Variants in EIF2AK3 observed in about 807,000 individuals in gnomAD.
The protein encoded by EIF2AK3 is eukaryotic translation initiation factor 2-alpha kinase 3.
EIF2AK3 carries 50 observed loss-of-function variants against 113.5 expected under a neutral mutation model. The ratio of observed to expected loss-of-function variants is 0.44; its 90% CI spans 0.35 to 0.56. The LOEUF is 0.56. EIF2AK3 is among the 20% of genes least tolerant of loss of function. The probability of loss-of-function intolerance (pLI) is 0.00; values close to 1 mark genes in which losing one functional copy is unlikely to be tolerated. For missense variants in EIF2AK3, 1,185 were observed against 1,378.0 expected (o/e 0.86, Z 2.22); for synonymous variants, 448 against 495.4 (o/e 0.90, Z 1.27).
intron 2 of EIF2AK3, among the ~76,000 whole-genome samples, chr2:88,609,342 A>G (rs1422778864): frequency 6.6e-6 from 1 of 152,210 alleles, no homozygotes; most frequent in African/African-American, 2.4e-5. Flanking sequence ...AAAGGTTGCT[A>G]TTTGCCCTGA....
rs145982572 is a variant in EIF2AK3 at position 88,619,596 on chromosome 2, C to T, written c.309-5743G>A. On this transcript the variant is annotated intron_variant, in intron 1 of 16. Transcript: ENST00000303236. The stretch of plus-strand genomic sequence containing the variant: ...TTAAATCAGACATCAACTCTTTGTG[C>T]TCCCTCATCCTCTACATTTAAACAA... Among the ~76,000 whole-genome samples the T allele has an allele frequency of 1.9e-4, 29 of 152,292 alleles. No individual in the cohort carries two copies. The East Asian group carries it at 1.9e-3, about 10-fold the overall frequency.
chr2:88,566,520 CTTT>C, intron 14 of EIF2AK3, among the ~76,000 whole-genome samples: 1 of 146,934 alleles, frequency 6.8e-6, no homozygotes, highest in South Asian at 2.2e-4. Context: ...TTTAAAAACT[CTTT>C]TTTTTTTTAA....
At chr2:88,604,423 C>T (rs1347487201) in intron 2 of EIF2AK3, among the ~76,000 whole-genome samples, 4 of 152,184 alleles carry the variant, frequency 2.6e-5, no homozygotes, top group Non-Finnish European at 5.9e-5. Flanking sequence ...TCTCTTGCCT[C>T]AGTAACTCCT....
chr2:88,613,956 C>T (rs1432746830), intron 1 of EIF2AK3, 103 bp from the exon 2 acceptor site: 17 of 1,086,420 alleles, frequency 1.6e-5, no homozygotes, highest in Middle Eastern at 2.9e-4. Flanking sequence ...GGCCTCTATT[C>T]GTAGAAAGGA....
chr2:88,563,541 A>C (rs1390769250), intron 14 of EIF2AK3, among the ~76,000 whole-genome samples: 7 of 152,238 alleles, frequency 4.6e-5, no homozygotes, highest in African/African-American at 1.4e-4. Flanking sequence ...CAAATTTATA[A>C]GAAGCAACTT....
rs147874614 is a variant in EIF2AK3, at chr2:88,586,059, T to G, written c.1432A>C (p.Asn478His). The G allele has an allele frequency of 6.2e-6, 10 of 1,612,788 alleles. No individual in the cohort carries two copies. In the African/African-American group the frequency reaches 9.4e-5, roughly 15 times the overall value. ...TTGTAGTATGGTAGATAATAACCAT[T>G]ATCTTCAAATAGAAACATTAAAACG... The part of the protein sequence containing the change: ...ALSILQYPYD[N>H]GYYLPYYKRE... Residue 478 changes from asparagine to histidine, a missense_variant and splice_region_variant, in exon 9 of 17, where the codon AAT becomes CAT. Around this residue, in one of 3 missense-constraint regions of EIF2AK3, gnomAD observed 877 missense variants for 1,024.2 expected, o/e 0.86. Transcript: ENST00000303236.
At chr2:88,562,246 T>C (rs1156429771) in intron 15 of EIF2AK3, 43 bp downstream of exon 15, 2 of 1,506,612 alleles carry the variant, frequency 1.3e-6, no homozygotes, top group South Asian at 2.3e-5. Context: ...TGTTAGATTA[T>C]TTTCTGTTTG....
intron 1 of EIF2AK3, among the ~76,000 whole-genome samples, chr2:88,626,671 T>C (rs1415176378): frequency 6.6e-6 from 1 of 152,164 alleles, no homozygotes; most frequent in Non-Finnish European, 1.5e-5. Flanking sequence ...CCGAAAACAA[T>C]GAAAGAGGGG....
At chr2:88,591,073 T>C in intron 4 of EIF2AK3, 21 bp from the exon 5 acceptor site, 1 of 1,600,154 alleles carries the variant, frequency 6.2e-7, no homozygotes, top group South Asian at 1.1e-5. Flanking sequence ...CAAAGGTGTG[T>C]TTTAGAAATT....
intron 13 of EIF2AK3, among the ~76,000 whole-genome samples, chr2:88,572,343 T>G (rs1341418184): frequency 6.6e-6 from 1 of 152,228 alleles, no homozygotes; most frequent in Non-Finnish European, 1.5e-5. Flanking sequence ...GTATCTTGAC[T>G]TTACTTTGGG....
In EIF2AK3 at chr2:88,590,532, G is replaced by A; in HGVS notation, c.1076C>T (p.Thr359Ile). ...AACATCATCATTAGATGTATAACTTGTATCATCAAAAAGACTGATGGGAAT... is the reference window on the plus strand; with the variant it reads ...AACATCATCATTAGATGTATAACTTATATCATCAAAAAGACTGATGGGAAT... Reference protein sequence around the residue: ...KVIPISLFDDTSYTSNDDVLE... With the variant: ...KVIPISLFDDISYTSNDDVLE... The change falls in exon 6 of 17, where the codon ACA becomes ATA. Residue 359 changes from threonine (T) to isoleucine (I), a missense_variant. Transcript: ENST00000303236. The A allele has an allele frequency of 6.2e-7, 1 of 1,613,636 alleles. No homozygotes were observed. Among genetic ancestry groups the A allele is most frequent in the African/African-American group, 1.3e-5 (1 of 74,984 alleles).
chr2:88,582,526 C>A (rs1245770838), intron 10 of EIF2AK3, among the ~76,000 whole-genome samples: 1 of 152,164 alleles, frequency 6.6e-6, no homozygotes, highest in Non-Finnish European at 1.5e-5. Flanking sequence ...TAACTACCAG[C>A]TGTGACCACA....
intron 11 of EIF2AK3, among the ~76,000 whole-genome samples, chr2:88,577,596 C>T (rs925302719): frequency 5.9e-5 from 9 of 151,862 alleles, no homozygotes; most frequent in Admixed American, 5.3e-4. Context: ...TCAGGCTGGT[C>T]TCGAACTCCT....
rs2104446057 is a variant in EIF2AK3, at chr2:88,595,630, C to G, written c.472G>C (p.Asp158His). Reference protein sequence around the residue: ...FGNKMIIPSLDGALFQWDQDR... With the variant: ...FGNKMIIPSLHGALFQWDQDR... ...TGGTCCCACTGGAAGAGGGCTCCATCCAGGGAAGGAATGATCATCTTATTC... is the reference window on the plus strand; with the variant it reads ...TGGTCCCACTGGAAGAGGGCTCCATGCAGGGAAGGAATGATCATCTTATTC... Residue 158 changes from aspartate to histidine, a missense_variant, in exon 3 of 17, where the codon GAT becomes CAT. Physicochemically the swap from Asp to His is moderately conservative, Grantham distance 81 (BLOSUM62 -1). Coordinates refer to ENST00000303236, the MANE Select transcript of EIF2AK3 (RefSeq NM_004836.7). 3.1e-6 allele frequency: 5 copies of G among 1,613,994 alleles called. No homozygotes were observed. Among genetic ancestry groups the G allele is most frequent in the Non-Finnish European group, 4.2e-6 (5 of 1,179,946 alleles).
At position 88,627,416 on chromosome 2, in the gene EIF2AK3, T is replaced by G. The variant is rs954039037; in HGVS notation, c.-142A>C. 78 of 1,066,456 alleles carry G rather than the reference T, an allele frequency of 7.3e-5. No homozygotes were observed. The highest frequency in any genetic ancestry group is 9.4e-5 in the Non-Finnish European group (77 of 818,240). The allele number at this position is 1,066,456 out of a possible 1,614,324, so 66.1% of individuals were successfully genotyped here. A position where few individuals can be genotyped will look rare whatever the true frequency, so the allele number is the denominator to read the frequency against. On this transcript the variant is annotated 5_prime_UTR_variant, in exon 1 of 17. Transcript: ENST00000303236. ...GCCTGGACAGCCAGCCGTGTTCCCC[T>G]GGCCACGTCTCAGCCCGGCCTCTGC...
At chr2:88,585,001 G>A (rs1263418718) in intron 9 of EIF2AK3, among the ~76,000 whole-genome samples, 3 of 152,148 alleles carry the variant, frequency 2.0e-5, no homozygotes, top group Admixed American at 1.3e-4. Context: ...AGGAGGGTCA[G>A]GTATTAGAGG....
At chr2:88,612,304 C>T (rs1006818535) in intron 2 of EIF2AK3, among the ~76,000 whole-genome samples, 1 of 152,142 alleles carries the variant, frequency 6.6e-6, no homozygotes, top group Non-Finnish European at 1.5e-5. Context: ...AAGCAGCTTA[C>T]AATCTTCTCA....
At chr2:88,571,072 T>G (rs1173981133) in intron 13 of EIF2AK3, 31 bp from the exon 14 acceptor site, 1 of 1,612,338 alleles carries the variant, frequency 6.2e-7, no homozygotes, top group Non-Finnish European at 8.5e-7. Flanking sequence ...AAAAGTACAG[T>G]GGGTGTGCAT....
chr2:88,557,659 G>A lies in EIF2AK3; in HGVS notation c.*77C>T, dbSNP rs1673816463. 4 of 1,497,398 alleles carry A rather than the reference G, an allele frequency of 2.7e-6. No homozygotes were observed. The Admixed American group carries it at 5.0e-5, about 19-fold the overall frequency. The allele number at this position is 1,497,398 out of a possible 1,614,324, so 92.8% of individuals were successfully genotyped here. A position where few individuals can be genotyped will look rare whatever the true frequency, so the allele number is the denominator to read the frequency against. On this transcript the variant is annotated 3_prime_UTR_variant, in exon 17 of 17. Coordinates refer to ENST00000303236, the MANE Select transcript of EIF2AK3 (RefSeq NM_004836.7). Reference sequence around the variant, plus strand: ...AGCGAAGAACAAACTTTTCAAGTCTGCAATTTTGGACAGGCATATTCTAAG... The same window carrying A: ...AGCGAAGAACAAACTTTTCAAGTCTACAATTTTGGACAGGCATATTCTAAG...
Sources: gnomAD v4.1 joint callset for allele counts (sites outside exome capture counted in the v4.1 genomes callset) on GRCh38, gnomAD v4.1.1 for gene constraint, gnomAD v4.1.1 regional missense constraint, MANE v1.5 for transcripts, NCBI Gene and HGNC (gene_info 2026-07-23, HGNC 2026-07-21) for gene names.